Variants in PTPN4 observed in about 807,000 individuals in gnomAD.
PTPN4 encodes the protein tyrosine-protein phosphatase non-receptor type 4.
PTPN4 carries 49 observed loss-of-function variants against 135.5 expected under a neutral mutation model. The observed-to-expected ratio is 0.36, with a 90% confidence interval of 0.29 to 0.46. The LOEUF is 0.46. Among genes scored for constraint, PTPN4 ranks in the 20% least tolerant of loss-of-function variants. PTPN4 has a pLI of 1.00. For missense variants in PTPN4, 860 were observed against 1,101.0 expected (o/e 0.78, Z 3.10); for synonymous variants, 333 against 369.9 (o/e 0.90, Z 1.14).
At chr2:119,920,900 A>G (rs569731201) in intron 12 of PTPN4, among the ~76,000 whole-genome samples, 125 of 152,340 alleles carry the variant, frequency 8.2e-4, no homozygotes, top group African/African-American at 2.7e-3. Flanking sequence ...AATCATGTAG[A>G]AAGTTATTCA....
intron 2 of PTPN4, among the ~76,000 whole-genome samples, chr2:119,830,340 G>A (rs1431560570): frequency 6.6e-6 from 1 of 152,146 alleles, no homozygotes; most frequent in Non-Finnish European, 1.5e-5. Flanking sequence ...AATCCCCAGT[G>A]TTGGAGGTGG....
chr2:119,924,463 CTG>C (rs1389268785), intron 12 of PTPN4, among the ~76,000 whole-genome samples: 5 of 151,270 alleles, frequency 3.3e-5, no homozygotes, highest in African/African-American at 1.2e-4. Flanking sequence ...ATGGATAGGA[CTG>C]TGGGTAAAAA....
intron 2 of PTPN4, among the ~76,000 whole-genome samples, chr2:119,852,083 TA>T (rs1341595633): frequency 3.3e-5 from 5 of 152,368 alleles, no homozygotes; most frequent in African/African-American, 1.2e-4. Flanking sequence ...CCTATTTTGT[TA>T]CCTTGTAAAT....
chr2:119,762,197 ATTG>A (rs1690519360), intron 1 of PTPN4, among the ~76,000 whole-genome samples: 2 of 152,076 alleles, frequency 1.3e-5, no homozygotes, highest in Non-Finnish European at 2.9e-5. Context: ...ACACTTCATT[ATTG>A]TTGAAGGACT....
intron 25 of PTPN4, 88 bp from the exon 26 acceptor site, chr2:119,967,747 CTG>C: frequency 9.8e-7 from 1 of 1,015,566 alleles, no homozygotes; most frequent in East Asian, 2.6e-5. Context: ...TATTGTTCTT[CTG>C]TGTTATAATT....
intron 1 of PTPN4, among the ~76,000 whole-genome samples, chr2:119,773,098 A>G (rs370898287): frequency 3.4e-4 from 52 of 152,298 alleles, no homozygotes; most frequent in African/African-American, 1.3e-3. Context: ...ATGTAGTTGA[A>G]CATTTTTTCA....
At chr2:119,922,659 C>T (rs1179749275) in intron 12 of PTPN4, among the ~76,000 whole-genome samples, 2 of 152,082 alleles carry the variant, frequency 1.3e-5, no homozygotes, top group Non-Finnish European at 2.9e-5. Flanking sequence ...ATATCATTTT[C>T]AGATTTTATT....
chr2:119,978,103 TGAG>T lies in PTPN4; in HGVS notation c.*1035_*1037del, dbSNP rs1679643883. On this transcript the variant is annotated 3_prime_UTR_variant, in exon 27 of 27. Coordinates refer to ENST00000263708, the MANE Select transcript of PTPN4 (RefSeq NM_002830.4). Reference sequence around the variant, plus strand: ...TTCAAAATCTGCACATTCCTTTACTTGAGGGACTGAGGGGTTACGGTTTAGCAG... The same window carrying T: ...TTCAAAATCTGCACATTCCTTTACTTGGACTGAGGGGTTACGGTTTAGCAG... The T allele has an allele frequency of 6.6e-6, 1 of 152,182 alleles. No homozygotes were observed. Among genetic ancestry groups the T allele is most frequent in the Non-Finnish European group, 1.5e-5 (1 of 68,028 alleles). 9.4% of individuals were successfully genotyped at this position (152,182 alleles called of 1,614,324 possible). A position where few individuals can be genotyped will look rare whatever the true frequency, so the allele number is the denominator to read the frequency against.
chr2:119,969,952 T>C (rs985008515), intron 26 of PTPN4, among the ~76,000 whole-genome samples: 1 of 152,240 alleles, frequency 6.6e-6, no homozygotes, highest in Non-Finnish European at 1.5e-5. Context: ...TTTATTAAAA[T>C]ACAATTCACA....
chr2:119,809,688 T>C (rs764082922), intron 1 of PTPN4, 149 bp from the exon 2 acceptor site: 92 of 685,508 alleles, frequency 1.3e-4, no homozygotes, highest in Non-Finnish European at 2.0e-4. Context: ...ATATAACTTA[T>C]ACCTACAATT....
At chr2:119,963,855 T>C (rs1427600476) in intron 24 of PTPN4, among the ~76,000 whole-genome samples, 1 of 152,178 alleles carries the variant, frequency 6.6e-6, no homozygotes, top group East Asian at 1.9e-4. Flanking sequence ...ATAATGTCTA[T>C]CTTTAGCATA....
At chr2:119,866,590 G>T (rs113639828) in intron 3 of PTPN4, among the ~76,000 whole-genome samples, 2 of 152,166 alleles carry the variant, frequency 1.3e-5, no homozygotes, top group African/African-American at 2.4e-5. Flanking sequence ...ACTATATTAT[G>T]AAAATCACTA....
intron 10 of PTPN4, among the ~76,000 whole-genome samples, chr2:119,902,864 C>G (rs1678426571): frequency 6.6e-6 from 1 of 152,160 alleles, no homozygotes; most frequent in African/African-American, 2.4e-5. Flanking sequence ...CACACCATGG[C>G]ATTGTTTCAG....
chr2:119,935,201 T>G, intron 15 of PTPN4: 1 of 439,120 alleles, frequency 2.3e-6, no homozygotes, highest in Non-Finnish European at 4.0e-6. Context: ...GTATATAAAC[T>G]CAAATATTTC....
chr2:119,903,743 CACCATGCAT>C (rs1363190984), intron 10 of PTPN4, among the ~76,000 whole-genome samples: 1 of 152,154 alleles, frequency 6.6e-6, no homozygotes, highest in African/African-American at 2.4e-5. Context: ...ATACTGCTGA[CACCATGCAT>C]ACCACCTGGA....
At chr2:119,939,615 G>A (rs1238410348) in intron 15 of PTPN4, among the ~76,000 whole-genome samples, 3 of 152,076 alleles carry the variant, frequency 2.0e-5, no homozygotes, top group African/African-American at 7.2e-5. Context: ...ATCCTCAAGT[G>A]TTAAATCCAG....
intron 2 of PTPN4, among the ~76,000 whole-genome samples, chr2:119,810,685 A>G (rs1349981475): frequency 2.0e-5 from 3 of 152,186 alleles, no homozygotes; most frequent in Non-Finnish European, 4.4e-5. Flanking sequence ...ATAAAAGTGT[A>G]TTCTCCCTTT....
chr2:119,963,244 C>T (rs1337063267), intron 24 of PTPN4, among the ~76,000 whole-genome samples: 2 of 152,028 alleles, frequency 1.3e-5, no homozygotes, highest in African/African-American at 4.8e-5. Context: ...GTGTAGATTT[C>T]TAATTGCCAG....
rs1018439258 is a variant in PTPN4 at position 119,978,006 on chromosome 2, G to A, written c.*936G>A. On this transcript the variant is annotated 3_prime_UTR_variant, in exon 27 of 27. Transcript: ENST00000263708. Reference sequence around the variant, plus strand: ...GTAAGGAAATTCTGTTTCTTACTCAGTACTCGTGATTTGCTATAAGAAGCA... The same window carrying A: ...GTAAGGAAATTCTGTTTCTTACTCAATACTCGTGATTTGCTATAAGAAGCA... 7 of 152,178 alleles carry A rather than the reference G, an allele frequency of 4.6e-5. No homozygotes were observed. Among genetic ancestry groups the A allele is most frequent in the African/African-American group, 2.4e-5 (1 of 41,454 alleles). 9.4% of individuals were successfully genotyped at this position (152,178 alleles called of 1,614,324 possible).
Sources: gnomAD v4.1 joint callset for allele counts (sites outside exome capture counted in the v4.1 genomes callset) on GRCh38, gnomAD v4.1.1 for gene constraint, MANE v1.5 for transcripts, NCBI Gene and HGNC (gene_info 2026-07-23, HGNC 2026-07-21) for gene names.